The following CDH12 variants were observed in gnomAD, a reference collection of about 807,000 sequenced individuals.
CDH12 encodes cadherin 12.
A neutral mutation model predicts 74.1 loss-of-function variants in CDH12; 41 were observed. The observed-to-expected ratio is 0.55, with a 90% CI of 0.43 to 0.72. The LOEUF (loss-of-function observed/expected upper bound fraction) is 0.72. Ranked by LOEUF, CDH12 falls within the 30% of genes least tolerant of loss-of-function variation. The pLI is 0.00. For missense variants in CDH12, 945 were observed against 977.2 expected (o/e 0.97, Z 0.44); for synonymous variants, 399 against 355.0 (o/e 1.12, Z -1.39).
In CDH12 at chr5:22,082,741, A is replaced by G. The variant is rs146763323; in HGVS notation, c.-186-3879T>C. Among the ~76,000 whole-genome samples the G allele has an allele frequency of 5.7e-3, 872 of 152,306 alleles. 7 individuals are homozygous for G. The highest frequency in any genetic ancestry group is 0.02 in the African/African-American group (832 of 41,564). ...AAACAACAGCAGCTAAATGCAAACT[A>G]TGGTAATAAAGCTGAAGTTAACTGG... On this transcript the variant is annotated intron_variant, in intron 4 of 14. Coordinates refer to ENST00000382254, the MANE Select transcript of CDH12 (RefSeq NM_004061.5).
chr5:22,536,940 T>C (rs1197579155), intron 1 of CDH12, among the ~76,000 whole-genome samples: 1 of 152,166 alleles, frequency 6.6e-6, no homozygotes, highest in Non-Finnish European at 1.5e-5. Context: ...ACACTGCATT[T>C]TAAAAAGAGT....
At chr5:22,771,163 T>A (rs1171267095) in intron 1 of CDH12, among the ~76,000 whole-genome samples, 1 of 152,076 alleles carries the variant, frequency 6.6e-6, no homozygotes, top group African/African-American at 2.4e-5. Flanking sequence ...TTTTGTCAAA[T>A]CCTTGAGAAG....
chr5:22,831,362 T>TGG (rs1448899953), intron 1 of CDH12, among the ~76,000 whole-genome samples: 1 of 131,174 alleles, frequency 7.6e-6, no homozygotes, highest in Admixed American at 7.8e-5. Flanking sequence ...TGTGTGTGTG[T>TGG]GTGTGTGTCT....
At chr5:22,200,938 G>A (rs1750894695) in intron 4 of CDH12, among the ~76,000 whole-genome samples, 1 of 152,158 alleles carries the variant, frequency 6.6e-6, no homozygotes, top group African/African-American at 2.4e-5. Context: ...GGATTATAAG[G>A]GACATAGAGT....
intron 2 of CDH12, among the ~76,000 whole-genome samples, chr5:22,491,628 A>AT (rs896698695): frequency 6.6e-6 from 1 of 150,968 alleles, no homozygotes; most frequent in Non-Finnish European, 1.5e-5. Context: ...AAAACAAAAA[A>AT]AAAAACAAAA....
chr5:22,298,778 TAA>T (rs138697103), intron 3 of CDH12, among the ~76,000 whole-genome samples: 55 of 152,308 alleles, frequency 3.6e-4, no homozygotes, highest in African/African-American at 1.3e-3. Flanking sequence ...ATAATATCAA[TAA>T]GTCTTTAAAT....
At chr5:22,754,726 G>A (rs533802610) in intron 1 of CDH12, among the ~76,000 whole-genome samples, 1 of 152,264 alleles carries the variant, frequency 6.6e-6, no homozygotes, top group South Asian at 2.1e-4. Context: ...GATTTTAGAT[G>A]TTGATTCTTA....
chr5:22,631,452 GC>G (rs1408707993), intron 1 of CDH12, among the ~76,000 whole-genome samples: 1 of 133,464 alleles, frequency 7.5e-6, no homozygotes, highest in Non-Finnish European at 1.6e-5. Flanking sequence ...ATACTTTGCA[GC>G]CTTAAAAAAA....
intron 10 of CDH12, among the ~76,000 whole-genome samples, chr5:21,796,545 T>C (rs1022231319): frequency 4.6e-5 from 7 of 152,072 alleles, no homozygotes; most frequent in Non-Finnish European, 8.8e-5. Context: ...TAATTTTGAG[T>C]TTATATATGC....
chr5:22,363,133 A>G (rs1740890281), intron 3 of CDH12, among the ~76,000 whole-genome samples: 1 of 152,122 alleles, frequency 6.6e-6, no homozygotes, highest in Non-Finnish European at 1.5e-5. Flanking sequence ...TGTATATTAG[A>G]CATATATTTT....
chr5:22,399,127 A>C lies in CDH12; in HGVS notation c.-333+6130T>G, dbSNP rs528412804. ...CTATTGAACTATATTTCTATCTTCT[A>C]TTTATCCAATCTGTATGTATATACA... On this transcript the variant is annotated intron_variant, in intron 3 of 14. Coordinates refer to ENST00000382254, the MANE Select transcript of CDH12 (RefSeq NM_004061.5). Among the ~76,000 whole-genome samples, 9 of 152,006 alleles carry C rather than the reference A, an allele frequency of 5.9e-5. No individual in the cohort carries two copies. The South Asian group carries it at 1.9e-3, about 32-fold the overall frequency.
At chr5:21,752,975 GTTAAT>G (rs920219775) in intron 14 of CDH12, among the ~76,000 whole-genome samples, 10 of 152,174 alleles carry the variant, frequency 6.6e-5, no homozygotes, top group African/African-American at 2.2e-4. Flanking sequence ...TTTTAAAATT[GTTAAT>G]TTATGTACTT....
chr5:22,694,720 T>C (rs1742257512), intron 1 of CDH12, among the ~76,000 whole-genome samples: 1 of 150,934 alleles, frequency 6.6e-6, no homozygotes, highest in Admixed American at 6.6e-5. Context: ...TTCCACCCCT[T>C]GTACACGTCT....
At chr5:22,386,181 T>G (rs1741991566) in intron 3 of CDH12, among the ~76,000 whole-genome samples, 1 of 152,228 alleles carries the variant, frequency 6.6e-6, no homozygotes, top group Admixed American at 6.5e-5. Flanking sequence ...CGTGAGCCAC[T>G]GCGCCCGGCC....
At chr5:21,886,189 C>A (rs1347012952) in intron 6 of CDH12, among the ~76,000 whole-genome samples, 4 of 151,886 alleles carry the variant, frequency 2.6e-5, no homozygotes, top group African/African-American at 9.7e-5. Context: ...TTTCTTACTT[C>A]TTTTGTTCTG....
chr5:22,731,712 C>G (rs988400361), intron 1 of CDH12, among the ~76,000 whole-genome samples: 1 of 151,868 alleles, frequency 6.6e-6, no homozygotes, highest in African/African-American at 2.4e-5. Context: ...TCCTCCTTTA[C>G]AGTGAATTTA....
At chr5:22,091,350 A>C (rs889936538) in intron 4 of CDH12, among the ~76,000 whole-genome samples, 2 of 150,326 alleles carry the variant, frequency 1.3e-5, no homozygotes, top group Non-Finnish European at 3.0e-5. Context: ...GGCAGCATAC[A>C]AGATCAATAT....
At position 22,280,423 on chromosome 5, in the gene CDH12, T is replaced by C. The variant is rs563160909; in HGVS notation, c.-332-67780A>G. 1.1e-4 allele frequency among the ~76,000 whole-genome samples: 17 copies of C among 152,130 alleles called. No individual in the cohort carries two copies. The East Asian group carries it at 3.3e-3, about 29-fold the overall frequency. Reference sequence around the variant, plus strand: ...CACGAAAAACCCTTCAAAAAATCAATGAATCCAGGAGCTGGTTTTTTGAAA... The same window carrying C: ...CACGAAAAACCCTTCAAAAAATCAACGAATCCAGGAGCTGGTTTTTTGAAA... On this transcript the variant is annotated intron_variant, in intron 3 of 14. Coordinates refer to ENST00000382254, the MANE Select transcript of CDH12 (RefSeq NM_004061.5).
At chr5:22,493,398 G>T (rs998639100) in intron 2 of CDH12, among the ~76,000 whole-genome samples, 11 of 152,110 alleles carry the variant, frequency 7.2e-5, no homozygotes, top group African/African-American at 2.7e-4. Flanking sequence ...TCAAATAGGT[G>T]CATGAAATAT....
Sources: allele counts gnomAD v4.1 joint callset (sites outside exome capture counted in the v4.1 genomes callset), GRCh38; gene constraint gnomAD v4.1.1; transcripts MANE v1.5; gene names NCBI Gene and HGNC (gene_info 2026-07-23, HGNC 2026-07-21).